The following PIP5K1B variants were observed in gnomAD, a reference collection of about 807,000 sequenced individuals.
PIP5K1B encodes the protein phosphatidylinositol-4-phosphate 5-kinase type 1 beta, also known as phosphatidylinositol 4-phosphate 5-kinase type-1 beta.
In PIP5K1B, 42 loss-of-function variants were observed where a neutral mutation model predicts 67.0. The ratio of observed to expected loss-of-function variants is 0.63; its 90% CI spans 0.49 to 0.81. PIP5K1B has a LOEUF of 0.81. PIP5K1B is among the 30% of genes least tolerant of loss of function. The pLI is 0.00. For synonymous variants in PIP5K1B, 214 were observed against 231.4 expected, an observed-to-expected ratio of 0.92 and a Z score of 0.68; for missense variants, 459 against 646.3, an observed-to-expected ratio of 0.71 and a Z score of 3.14.
At chr9:68,971,148 C>T (rs1286184265) in intron 14 of PIP5K1B, among the ~76,000 whole-genome samples, 1 of 152,074 alleles carries the variant, frequency 6.6e-6, no homozygotes, top group Admixed American at 6.5e-5. Context: ...ATAGAGTGCC[C>T]CCCACTCCCC....
intron 7 of PIP5K1B, among the ~76,000 whole-genome samples, chr9:68,891,321 A>C (rs1392532994): frequency 6.6e-6 from 1 of 151,982 alleles, no homozygotes; most frequent in African/African-American, 2.4e-5. Context: ...AATATAATCC[A>C]CCCCATTAAC....
intron 14 of PIP5K1B, among the ~76,000 whole-genome samples, chr9:68,971,108 C>T (rs557713617): frequency 5.5e-4 from 84 of 152,240 alleles, no homozygotes; most frequent in Non-Finnish European, 1.0e-3. Context: ...CCCCTCAACC[C>T]GTCATCTCCA....
At chr9:68,730,279 G>T (rs1326333387) in intron 1 of PIP5K1B, among the ~76,000 whole-genome samples, 1 of 152,152 alleles carries the variant, frequency 6.6e-6, no homozygotes, top group African/African-American at 2.4e-5. Flanking sequence ...CTTAAAGGAG[G>T]TATATCATAG....
intron 2 of PIP5K1B, among the ~76,000 whole-genome samples, chr9:68,787,417 T>G (rs1042572068): frequency 1.3e-5 from 2 of 152,210 alleles, no homozygotes; most frequent in African/African-American, 4.8e-5. Flanking sequence ...AAGTGTTTTT[T>G]ATATATGAGC....
intron 14 of PIP5K1B, among the ~76,000 whole-genome samples, chr9:68,951,168 G>T (rs531345428): frequency 6.6e-6 from 1 of 152,312 alleles, no homozygotes; most frequent in East Asian, 1.9e-4. Flanking sequence ...CATGTGTAAT[G>T]AAGTAATGGA....
At chr9:68,883,800 A>AATGG (rs10688511) in intron 6 of PIP5K1B, among the ~76,000 whole-genome samples, 3,277 of 146,486 alleles carry the variant, frequency 0.022, 97 homozygotes, top group African/African-American at 0.075. Context: ...CACATTGACC[A>AATGG]AATAGGATAG....
intron 1 of PIP5K1B, among the ~76,000 whole-genome samples, chr9:68,713,243 A>G (rs542287413): frequency 1.3e-4 from 20 of 152,332 alleles, no homozygotes; most frequent in Admixed American, 1.2e-3. Context: ...TACCAAAAAT[A>G]CAAAAATTAG....
At chr9:68,904,114 G>T (rs1003444253) in intron 8 of PIP5K1B, among the ~76,000 whole-genome samples, 3 of 152,152 alleles carry the variant, frequency 2.0e-5, no homozygotes, top group East Asian at 3.9e-4. Context: ...TTCAGCTTCC[G>T]CAGGTCCACA....
chr9:68,829,177 T>C (rs1400052412), intron 4 of PIP5K1B, among the ~76,000 whole-genome samples: 2 of 152,234 alleles, frequency 1.3e-5, no homozygotes, highest in East Asian at 1.9e-4. Context: ...AGTTCAAAAA[T>C]TGAACAAATA....
intron 4 of PIP5K1B, chr9:68,843,054 T>A (rs966752055): frequency 5.9e-5 from 9 of 152,190 alleles, no homozygotes; most frequent in African/African-American, 2.2e-4. Flanking sequence ...GTGGGTCCTA[T>A]GGTTGAGGAT....
intron 2 of PIP5K1B, among the ~76,000 whole-genome samples, chr9:68,795,239 C>G (rs962488860): frequency 6.6e-6 from 1 of 152,026 alleles, no homozygotes; most frequent in African/African-American, 2.4e-5. Flanking sequence ...CATTCCACAC[C>G]TAACCTTGTG....
intron 12 of PIP5K1B, 72 bp downstream of exon 12, chr9:68,923,458 T>C (rs1564237923): frequency 6.7e-6 from 5 of 741,082 alleles, no homozygotes; most frequent in Admixed American, 2.4e-5. Flanking sequence ...AAGATTTTTA[T>C]TGGAAGAACT....
At chr9:68,890,541 T>C (rs1824732407) in intron 7 of PIP5K1B, among the ~76,000 whole-genome samples, 1 of 152,166 alleles carries the variant, frequency 6.6e-6, no homozygotes, top group South Asian at 2.1e-4. Flanking sequence ...TTCCAAAATC[T>C]GCTAGACACA....
intron 4 of PIP5K1B, among the ~76,000 whole-genome samples, chr9:68,853,040 A>G (rs750390410): frequency 6.6e-6 from 1 of 152,210 alleles, no homozygotes; most frequent in Non-Finnish European, 1.5e-5. Flanking sequence ...CAGATGGTTA[A>G]AAATTAGTGG....
At chr9:68,712,542 T>C (rs1363712766) in intron 1 of PIP5K1B, among the ~76,000 whole-genome samples, 1 of 152,218 alleles carries the variant, frequency 6.6e-6, no homozygotes, top group Admixed American at 6.5e-5. Flanking sequence ...GTTTGGCACA[T>C]GGTAGGTCCT....
intron 14 of PIP5K1B, among the ~76,000 whole-genome samples, chr9:68,969,167 G>A (rs1212471784): frequency 6.6e-6 from 1 of 152,012 alleles, no homozygotes; most frequent in African/African-American, 2.4e-5. Context: ...AGGAGATCGA[G>A]ACCATCCTGG....
At chr9:68,718,729 G>C (rs2132256217) in intron 1 of PIP5K1B, among the ~76,000 whole-genome samples, 1 of 152,268 alleles carries the variant, frequency 6.6e-6, no homozygotes, top group African/African-American at 2.4e-5. Flanking sequence ...TTATGCTACT[G>C]TAAAGTGATA....
chr9:68,966,163 G>T (rs1400156375), intron 14 of PIP5K1B, among the ~76,000 whole-genome samples: 1 of 151,992 alleles, frequency 6.6e-6, no homozygotes. Context: ...ATTAATATAT[G>T]ATTGAATAAA....
At chr9:68,864,114 G>A (rs7035068) in intron 5 of PIP5K1B, 147 bp downstream of exon 5, 104 of 652,870 alleles carry the variant, frequency 1.6e-4, no homozygotes, top group Non-Finnish European at 2.4e-4. Context: ...CAGTCCAAAT[G>A]ATGTTTACTT....
Sources: allele counts gnomAD v4.1 joint callset (sites outside exome capture counted in the v4.1 genomes callset), GRCh38; gene constraint gnomAD v4.1.1; transcripts MANE v1.5; gene names NCBI Gene and HGNC (gene_info 2026-07-23, HGNC 2026-07-21).